The following MIGA2 variants were observed in gnomAD, a reference collection of about 807,000 sequenced individuals.
MIGA2 encodes mitoguardin 2, also known as family with sequence similarity 73, member B.
Under a neutral mutation model 69.9 loss-of-function variants are expected in MIGA2, and 36 were observed. That is an observed-to-expected ratio of 0.52 (90% CI 0.39 to 0.68). The LOEUF is 0.68. Ranked by LOEUF, MIGA2 falls within the 30% of genes least tolerant of loss-of-function variation. The pLI, the probability that MIGA2 is intolerant of heterozygous loss-of-function variation, is 0.00. For synonymous variants in MIGA2, 333 were observed against 349.2 expected, an observed-to-expected ratio of 0.95 and a Z score of 0.52; for missense variants, 660 against 787.7, an observed-to-expected ratio of 0.84 and a Z score of 1.94.
Position 129,070,628 on chromosome 9 carries a change from G to T in MIGA2, c.*175G>T. 1.5e-6 allele frequency: 1 copy of T among 689,468 alleles called. No individual in the cohort carries two copies. The highest frequency in any genetic ancestry group is 1.8e-5 in the African/African-American group (1 of 55,760). 42.7% of individuals were successfully genotyped at this position (689,468 alleles called of 1,614,324 possible). A position where few individuals can be genotyped will look rare whatever the true frequency, so the allele number is the denominator to read the frequency against. ...CCATGGAGAAGAACGGTTCCTGGGG[G>T]AAGCAGAGGCCAGGACCAGTGGGGC... is the stretch of plus-strand genomic sequence containing the variant. On this transcript the variant is annotated 3_prime_UTR_variant, in exon 16 of 16. Transcript: ENST00000684074.
chr9:129,058,420 A>T (rs1422879849), intron 6 of MIGA2, among the ~76,000 whole-genome samples: 1 of 150,306 alleles, frequency 6.7e-6, no homozygotes, highest in Non-Finnish European at 1.5e-5. Flanking sequence ...AAAAAAAAAA[A>T]GTTTTTTATG....
At chr9:129,044,118 C>T (rs1300665787) in intron 3 of MIGA2, among the ~76,000 whole-genome samples, 5 of 150,612 alleles carry the variant, frequency 3.3e-5, no homozygotes, top group African/African-American at 1.2e-4. Flanking sequence ...CTGAGCCTCC[C>T]GAGTAGCTGG....
At chr9:129,045,390 C>T (rs1224400005) in intron 3 of MIGA2, among the ~76,000 whole-genome samples, 3 of 139,658 alleles carry the variant, frequency 2.1e-5, no homozygotes, top group Non-Finnish European at 3.0e-5. Flanking sequence ...TGCAGTGAGC[C>T]GAGATCACAC....
intron 6 of MIGA2, among the ~76,000 whole-genome samples, chr9:129,057,304 G>A (rs955953565): frequency 4.0e-5 from 6 of 151,658 alleles, no homozygotes; most frequent in African/African-American, 1.5e-4. Context: ...TGTTGTTGTT[G>A]TTGTTGAGAT....
chr9:129,040,439 A>G lies in MIGA2; in HGVS notation c.-143-13A>G. The G allele has an allele frequency of 7.3e-7, 1 of 1,375,988 alleles. No homozygotes were observed. The highest frequency in any genetic ancestry group is 1.8e-5 in the South Asian group (1 of 57,006). The allele number at this position is 1,375,988 out of a possible 1,614,324, so 85.2% of individuals were successfully genotyped here. A position where few individuals can be genotyped will look rare whatever the true frequency, so the allele number is the denominator to read the frequency against. On this transcript the variant is annotated splice_polypyrimidine_tract_variant and intron_variant, in intron 1 of 15. Transcript: ENST00000684074. ...GCACGTTCTCTTATCTGACTTGGTC[A>G]TCTGTCTCTTAGCTCTGTGGAGGGG... is the stretch of plus-strand genomic sequence containing the variant.
At chr9:129,047,794 A>G (rs941333723) in intron 3 of MIGA2, among the ~76,000 whole-genome samples, 7 of 151,838 alleles carry the variant, frequency 4.6e-5, no homozygotes, top group Non-Finnish European at 8.8e-5. Flanking sequence ...AAGTATTGCG[A>G]TCATGGCTTA....
At chr9:129,053,223 T>G (rs181924586) in intron 6 of MIGA2, among the ~76,000 whole-genome samples, 1 of 152,046 alleles carries the variant, frequency 6.6e-6, no homozygotes, top group East Asian at 1.9e-4. Context: ...TGGTCCATAG[T>G]AGGTGCTCAG....
At position 129,069,128 on chromosome 9, in the gene MIGA2, T is replaced by C. The variant is rs746841542; in HGVS notation, c.1457T>C (p.Met486Thr). 4.3e-6 allele frequency: 7 copies of C among 1,613,920 alleles called. No individual in the cohort carries two copies. The South Asian group carries it at 7.7e-5, about 18-fold the overall frequency. The change falls in exon 14 of 16, where the codon ATG becomes ACG. Residue 486 changes from methionine to threonine, a missense_variant and splice_region_variant. This residue lies in a region of MIGA2 where 220 missense variants were observed against 301.7 expected (regional missense o/e 0.73). Transcript: ENST00000684074. The surrounding 1 kb of genome is among the most constrained non-coding windows in gnomAD (Gnocchi z 4.9). ...SVLKAKRRLLMVPDGFISHFY... is the reference protein window; with the variant it reads ...SVLKAKRRLLTVPDGFISHFY... ...CTGAAAGCCAAGAGGAGGCTGCTGA[T>C]GGTGAGTGACTGGCAGGCCCGGGGG...
chr9:129,048,384 A>G, intron 3 of MIGA2, 43 bp from the exon 4 acceptor site: 1 of 1,528,860 alleles, frequency 6.5e-7, no homozygotes, highest in Non-Finnish European at 9.1e-7. Flanking sequence ...TGTAAAGGCC[A>G]CAGGGGATGC....
chr9:129,063,306 A>AGGCCTTCGAGGTGGGTGTGGCC lies in MIGA2; in HGVS notation c.1074_1083+12dup. On this transcript the variant is annotated frameshift_variant, in exon 10 of 16. Coordinates refer to ENST00000684074, the MANE Select transcript of MIGA2 (RefSeq NM_001329990.2). LOFTEE classifies it high-confidence loss of function. Reference sequence around the variant, plus strand: ...CTGGCCAAGCTGCACTGTGTGCGGCAGGCCTTCGAGGTGGGTGTGGCCTGG... The same window carrying AGGCCTTCGAGGTGGGTGTGGCC: ...CTGGCCAAGCTGCACTGTGTGCGGCAGGCCTTCGAGGTGGGTGTGGCCGGCCTTCGAGGTGGGTGTGGCCTGG... 1 of 1,613,948 alleles carries AGGCCTTCGAGGTGGGTGTGGCC rather than the reference A, an allele frequency of 6.2e-7. No homozygotes were observed. The highest frequency in any genetic ancestry group is 8.5e-7 in the Non-Finnish European group (1 of 1,179,962).
At position 129,059,334 on chromosome 9, in the gene MIGA2, A is replaced by T; in HGVS notation, c.793+63A>T. 1 of 1,338,772 alleles carries T rather than the reference A, an allele frequency of 7.5e-7. No individual in the cohort carries two copies. Among genetic ancestry groups the T allele is most frequent in the Non-Finnish European group, 1.0e-6 (1 of 960,752 alleles). The allele number at this position is 1,338,772 out of a possible 1,614,324, so 82.9% of individuals were successfully genotyped here. On this transcript the variant is annotated intron_variant, in intron 7 of 15. Coordinates refer to ENST00000684074, the MANE Select transcript of MIGA2 (RefSeq NM_001329990.2). This position sits in a 1 kb window ranked among gnomAD's most constrained non-coding sequence, Gnocchi z 5.6. Reference sequence around the variant, plus strand: ...GGTGGCAGGGATGGAGGTGAGGAGAAGTTGCGAGAACCGGGTCGTGGTTCT... The same window carrying T: ...GGTGGCAGGGATGGAGGTGAGGAGATGTTGCGAGAACCGGGTCGTGGTTCT...
Position 129,061,182 on chromosome 9 carries a change from T to G in MIGA2, c.895-49T>G. ...GGGCAGGTGCCCTTGCGCCGTGGCG[T>G]GCTGCTCACATGGGCTTCCCTGGTC... On this transcript the variant is annotated intron_variant, in intron 8 of 15. Coordinates refer to ENST00000684074, the MANE Select transcript of MIGA2 (RefSeq NM_001329990.2). The surrounding 1 kb of genome is among the most constrained non-coding windows in gnomAD (Gnocchi z 5.0). The G allele has an allele frequency of 6.6e-7, 1 of 1,521,830 alleles. No individual in the cohort carries two copies. Among genetic ancestry groups the G allele is most frequent in the African/African-American group, 1.4e-5 (1 of 72,952 alleles). The allele number at this position is 1,521,830 out of a possible 1,614,324, so 94.3% of individuals were successfully genotyped here. A position where few individuals can be genotyped will look rare whatever the true frequency, so the allele number is the denominator to read the frequency against.
chr9:129,061,656 A>G lies in MIGA2; in HGVS notation c.1010+310A>G, dbSNP rs1299896417. Among the ~76,000 whole-genome samples the G allele has an allele frequency of 6.6e-6, 1 of 152,274 alleles. No homozygotes were observed. The highest frequency in any genetic ancestry group is 1.5e-5 in the Non-Finnish European group (1 of 68,044). On this transcript the variant is annotated intron_variant, in intron 9 of 15. Coordinates refer to ENST00000684074, the MANE Select transcript of MIGA2 (RefSeq NM_001329990.2). This position sits in a 1 kb window ranked among gnomAD's most constrained non-coding sequence, Gnocchi z 5.0. ...CTACAGCACATACACTGAAAAAAAA[A>G]TTGGAATGATACAGAGAAGATGAAC...
At chr9:129,045,862 T>A (rs570855035) in intron 3 of MIGA2, among the ~76,000 whole-genome samples, 1 of 151,846 alleles carries the variant, frequency 6.6e-6, no homozygotes, top group Non-Finnish European at 1.5e-5. Flanking sequence ...TTTTTTTTTT[T>A]GGTTTTTTTT....
At chr9:129,040,148 A>G (rs997123370) in intron 1 of MIGA2, among the ~76,000 whole-genome samples, 4 of 152,200 alleles carry the variant, frequency 2.6e-5, no homozygotes, top group African/African-American at 9.7e-5. Context: ...AAAAAGGTAG[A>G]GAAAATGTGG....
rs767366110 is a variant in MIGA2, at chr9:129,069,779, C to G, written c.1459-70C>G. 2.9e-6 allele frequency: 3 copies of G among 1,049,078 alleles called. No individual in the cohort carries two copies. The highest frequency in any genetic ancestry group is 4.5e-6 in the Non-Finnish European group (3 of 668,656). 65.0% of individuals were successfully genotyped at this position (1,049,078 alleles called of 1,614,324 possible). On this transcript the variant is annotated intron_variant, in intron 14 of 15. Coordinates refer to ENST00000684074, the MANE Select transcript of MIGA2 (RefSeq NM_001329990.2). The surrounding 1 kb of genome is among the most constrained non-coding windows in gnomAD (Gnocchi z 4.9). ...GACCTCTAAAGCCCAGCCCTTTATG[C>G]GACACCTGGGCCTGGTGCCCTCATC...
In MIGA2 at chr9:129,061,156, T is replaced by C; in HGVS notation, c.895-75T>C. 2.3e-6 allele frequency: 3 copies of C among 1,309,604 alleles called. No individual in the cohort carries two copies. Among genetic ancestry groups the C allele is most frequent in the Non-Finnish European group, 3.2e-6 (3 of 927,752 alleles). The allele number at this position is 1,309,604 out of a possible 1,614,324, so 81.1% of individuals were successfully genotyped here. ...TGGGGTGGCCGCTGTGGCCGACCAA[T>C]GGGCAGGTGCCCTTGCGCCGTGGCG... is the stretch of plus-strand genomic sequence containing the variant. On this transcript the variant is annotated intron_variant, in intron 8 of 15. Coordinates refer to ENST00000684074, the MANE Select transcript of MIGA2 (RefSeq NM_001329990.2). The surrounding 1 kb of genome is among the most constrained non-coding windows in gnomAD (Gnocchi z 5.0).
In MIGA2 at chr9:129,059,826, C is replaced by G. The variant is rs1845970667; in HGVS notation, c.793+555C>G. On this transcript the variant is annotated intron_variant, in intron 7 of 15. Transcript: ENST00000684074. The surrounding 1 kb of genome is among the most constrained non-coding windows in gnomAD (Gnocchi z 5.6). ...TGTGCACTCAACCCTGTGGGACCCT[C>G]AGACTCCTGAGGGTCCAGCTGCCTG... 1.3e-5 allele frequency among the ~76,000 whole-genome samples: 2 copies of G among 152,188 alleles called. No homozygotes were observed. The highest frequency in any genetic ancestry group is 4.8e-5 in the African/African-American group (2 of 41,452).
At chr9:129,047,172 C>T (rs149597107) in intron 3 of MIGA2, 3,317 of 151,420 alleles carry the variant, frequency 0.022, 110 homozygotes, top group African/African-American at 0.075. Flanking sequence ...CTCTGCCTCC[C>T]GGGTTCAAGG....
Sources: allele counts gnomAD v4.1 joint callset (sites outside exome capture counted in the v4.1 genomes callset), GRCh38; gene constraint gnomAD v4.1.1; regional missense constraint gnomAD v4.1.1; non-coding constraint Gnocchi (gnomAD v3.1); transcripts MANE v1.5; gene names NCBI Gene and HGNC (gene_info 2026-07-23, HGNC 2026-07-21).